The following KAZN variants were observed in gnomAD, a reference collection of about 807,000 sequenced individuals.
KAZN encodes the protein kazrin.
A neutral mutation model predicts 87.4 loss-of-function variants in KAZN; 40 were observed. The observed-to-expected ratio is 0.46, with a 90% CI of 0.36 to 0.60. The LOEUF is 0.60. Ranked by LOEUF, KAZN falls within the 20% of genes least tolerant of loss-of-function variation. KAZN has a pLI of 0.00. For missense variants in KAZN, 898 were observed against 1,073.9 expected (o/e 0.84, Z 2.29); for synonymous variants, 466 against 458.3 (o/e 1.02, Z -0.22).
chr1:15,087,352 A>G (rs920898409), intron 8 of KAZN, among the ~76,000 whole-genome samples: 2 of 150,818 alleles, frequency 1.3e-5, no homozygotes, highest in African/African-American at 4.9e-5. Flanking sequence ...TTTTTTTTCT[A>G]CCGTCTTCAA....
intron 2 of KAZN, among the ~76,000 whole-genome samples, chr1:14,288,588 G>A (rs982231841): frequency 2.6e-5 from 4 of 152,016 alleles, no homozygotes; most frequent in African/African-American, 7.2e-5. Context: ...TATTAGTCTT[G>A]CTAGTGGTCT....
At chr1:14,044,188 CTG>C (rs1355765355) in intron 1 of KAZN, among the ~76,000 whole-genome samples, 1 of 152,130 alleles carries the variant, frequency 6.6e-6, no homozygotes, top group Non-Finnish European at 1.5e-5. Flanking sequence ...CCCACCAATA[CTG>C]TGTTTCTGTT....
intron 1 of KAZN, among the ~76,000 whole-genome samples, chr1:14,739,198 C>T (rs1387584044): frequency 2.6e-5 from 4 of 152,082 alleles, no homozygotes; most frequent in Non-Finnish European, 4.4e-5. Flanking sequence ...AAACAAAACA[C>T]TAAGCCCATC....
intron 2 of KAZN, among the ~76,000 whole-genome samples, chr1:14,392,265 G>A (rs550928707): frequency 6.6e-6 from 1 of 152,276 alleles, no homozygotes; most frequent in Non-Finnish European, 1.5e-5. Context: ...GAAAAGGTAA[G>A]TGTATATGGG....
chr1:15,092,541 G>T (rs1573289643), intron 8 of KAZN, among the ~76,000 whole-genome samples: 1 of 152,044 alleles, frequency 6.6e-6, no homozygotes, highest in South Asian at 2.1e-4. Flanking sequence ...GTATGATCTT[G>T]GCTCACTATA....
intron 2 of KAZN, among the ~76,000 whole-genome samples, chr1:14,963,002 G>A (rs570122476): frequency 6.6e-6 from 1 of 151,310 alleles, no homozygotes; most frequent in East Asian, 1.9e-4. Flanking sequence ...TTTGCAGGAG[G>A]TTGTGAGAAT....
In KAZN at chr1:14,834,338, A is replaced by G. The variant is rs545585514; in HGVS notation, c.227-126346A>G. Among the ~76,000 whole-genome samples, 296 of 120,070 alleles carry G rather than the reference A, an allele frequency of 2.5e-3. 2 individuals carry two copies. The highest frequency in any genetic ancestry group is 7.8e-3 in the African/African-American group (266 of 34,006). The allele number at this position is 120,070 out of a possible 152,430, so 78.8% of individuals were successfully genotyped here. ...GGTGTGAGCCACTATGCCTGGCCCC[A>G]AGTCACCAAGTCACTTCCTTTTTTT... On this transcript the variant is annotated intron_variant, in intron 1 of 14. Coordinates refer to ENST00000376030, the MANE Select transcript of KAZN (RefSeq NM_201628.3).
At chr1:14,597,214 C>T (rs1572012075), upstream of KAZN, among the ~76,000 whole-genome samples, 1 of 152,172 alleles carries the variant, frequency 6.6e-6, no homozygotes, top group Non-Finnish European at 1.5e-5. Flanking sequence ...GTTCGATCCC[C>T]GAACTGACCC....
chr1:13,952,868 C>T (rs989731204), intron 1 of KAZN, among the ~76,000 whole-genome samples: 3 of 152,118 alleles, frequency 2.0e-5, no homozygotes, highest in African/African-American at 4.8e-5. Context: ...TCCACTTAGT[C>T]GCCTTTAAAA....
intron 1 of KAZN, among the ~76,000 whole-genome samples, chr1:13,957,129 G>A (rs1200933274): frequency 4.6e-5 from 7 of 152,176 alleles, no homozygotes; most frequent in South Asian, 2.1e-4. Flanking sequence ...CCAGGATCCC[G>A]GAGAAGGTTA....
intron 1 of KAZN, among the ~76,000 whole-genome samples, chr1:14,852,763 C>T (rs1373543780): frequency 1.3e-5 from 2 of 152,186 alleles, no homozygotes; most frequent in Non-Finnish European, 2.9e-5. Flanking sequence ...CTTCTTCTGC[C>T]CGTGTAATAA....
intron 2 of KAZN, among the ~76,000 whole-genome samples, chr1:14,380,010 C>T (rs534905074): frequency 6.6e-6 from 1 of 152,210 alleles, no homozygotes; most frequent in South Asian, 2.1e-4. Context: ...CCTCCAGCTC[C>T]AGACAGCTCA....
chr1:14,636,423 C>T (rs1038569231), intron 1 of KAZN, among the ~76,000 whole-genome samples: 3 of 152,184 alleles, frequency 2.0e-5, no homozygotes, highest in Admixed American at 1.3e-4. Flanking sequence ...GACAGACATG[C>T]TTGAGCCCTT....
chr1:14,702,331 T>TGTGTGTGTGTGC (rs1448053757), intron 1 of KAZN, among the ~76,000 whole-genome samples: 5 of 142,640 alleles, frequency 3.5e-5, no homozygotes, highest in African/African-American at 1.5e-4. Context: ...CAAAACTGTG[T>TGTGTGTGTGTGC]GTGTGTGTGT....
At chr1:14,282,235 T>C (rs1216852403) in intron 2 of KAZN, among the ~76,000 whole-genome samples, 3 of 152,226 alleles carry the variant, frequency 2.0e-5, no homozygotes, top group Non-Finnish European at 2.9e-5. Flanking sequence ...ACAGAATTTC[T>C]GCAGTCCATG....
intron 8 of KAZN, among the ~76,000 whole-genome samples, chr1:15,075,482 C>T (rs72639882): frequency 0.1 from 15,499 of 152,182 alleles, 1,180 homozygotes; most frequent in African/African-American, 0.21. Flanking sequence ...GGTGGATCAC[C>T]GACTGGAAAC....
chr1:15,036,385 A>C lies in KAZN; in HGVS notation c.555+1500A>C, dbSNP rs1047175254. ...CAGCCCTCCCCTGCCCTGCCTGCCC[A>C]GCTCCCCCTGCCCTGACCACCCAGC... On this transcript the variant is annotated intron_variant, in intron 3 of 14. Coordinates refer to ENST00000376030, the MANE Select transcript of KAZN (RefSeq NM_201628.3). Among the ~76,000 whole-genome samples, 615 of 65,182 alleles carry C rather than the reference A, an allele frequency of 9.4e-3. 4 individuals are homozygous for C. Among genetic ancestry groups the C allele is most frequent in the African/African-American group, 0.037 (525 of 14,328 alleles). 42.8% of individuals were successfully genotyped at this position (65,182 alleles called of 152,430 possible).
chr1:14,557,665 T>TGTGG (rs1673989432), intron 2 of KAZN, among the ~76,000 whole-genome samples: 2 of 122,814 alleles, frequency 1.6e-5, no homozygotes, highest in East Asian at 2.5e-4. Context: ...TGTGTGTGTG[T>TGTGG]GGTGTGTGAG....
At chr1:14,418,063 C>T (rs147726277) in intron 2 of KAZN, among the ~76,000 whole-genome samples, 1 of 129,836 alleles carries the variant, frequency 7.7e-6, no homozygotes, top group East Asian at 2.6e-4. Flanking sequence ...GAAAGATTTG[C>T]CATCTCTAGA....
Sources: allele counts gnomAD v4.1 joint callset (sites outside exome capture counted in the v4.1 genomes callset), GRCh38; gene constraint gnomAD v4.1.1; transcripts MANE v1.5; gene names NCBI Gene and HGNC (gene_info 2026-07-23, HGNC 2026-07-21).